FGD5: variants seen among roughly 807,000 people sequenced by gnomAD.
The protein encoded by FGD5 is FYVE, RhoGEF and PH domain containing 5, also known as FYVE, RhoGEF and PH domain-containing protein 5.
FGD5 carries 28 observed loss-of-function variants against 133.4 expected under a neutral mutation model. The observed-to-expected ratio is 0.21, with a 90% CI of 0.16 to 0.29. The LOEUF (loss-of-function observed/expected upper bound fraction) is 0.29. FGD5 is among the 10% of genes least tolerant of loss of function. The probability of loss-of-function intolerance (pLI) is 1.00; values close to 1 mark genes in which losing one functional copy is unlikely to be tolerated. For missense variants in FGD5, 1,858 were observed against 1,895.2 expected (o/e 0.98, Z 0.36); for synonymous variants, 810 against 776.5 (o/e 1.04, Z -0.72).
rs1004400262 is a variant in FGD5, at chr3:14,819,267, A to C, written c.196A>C (p.Ile66Leu). The C allele has an allele frequency of 2.0e-6, 3 of 1,534,862 alleles. No homozygotes were observed. Among genetic ancestry groups the C allele is most frequent in the African/African-American group, 2.7e-5 (2 of 72,734 alleles). ...TGAGTCGGAGACCGACGAGGATTACATCGTGGTCCCCAGGGTTCCGCTGAG... is the reference window on the plus strand; with the variant it reads ...TGAGTCGGAGACCGACGAGGATTACCTCGTGGTCCCCAGGGTTCCGCTGAG... The part of the protein sequence containing the change: ...CSESETDEDY[I>L]VVPRVPLRED... Residue 66 changes from isoleucine (I) to leucine (L), a missense_variant, in exon 1 of 20, where the codon ATC becomes CTC. Coordinates refer to ENST00000285046, the MANE Select transcript of FGD5 (RefSeq NM_152536.4). This position sits in a 1 kb window ranked among gnomAD's most constrained non-coding sequence, Gnocchi z 4.1.
At chr3:14,893,720 G>A (rs1049034299) in intron 4 of FGD5, among the ~76,000 whole-genome samples, 3 of 148,298 alleles carry the variant, frequency 2.0e-5, no homozygotes, top group Non-Finnish European at 3.0e-5. Context: ...TCTAATATTC[G>A]GTCTTATTTC....
At chr3:14,855,486 A>T (rs894261247) in intron 1 of FGD5, among the ~76,000 whole-genome samples, 3 of 152,162 alleles carry the variant, frequency 2.0e-5, no homozygotes, top group Non-Finnish European at 4.4e-5. Context: ...AGTGTAGAAG[A>T]GTTCCCTTTT....
chr3:14,851,966 G>A (rs1429901843), intron 1 of FGD5, among the ~76,000 whole-genome samples: 2 of 151,562 alleles, frequency 1.3e-5, no homozygotes, highest in Non-Finnish European at 2.9e-5. Context: ...TGACAAGACT[G>A]TAGAGAAATT....
At chr3:14,881,612 C>G (rs376160039) in intron 4 of FGD5, among the ~76,000 whole-genome samples, 2 of 152,360 alleles carry the variant, frequency 1.3e-5, no homozygotes, top group Admixed American at 1.3e-4. Context: ...GCTTCCTGCT[C>G]CCTTGAGCTC....
chr3:14,848,249 T>C (rs1687295), intron 1 of FGD5, among the ~76,000 whole-genome samples: 115,647 of 152,022 alleles, frequency 0.76, 44,219 homozygotes, highest in East Asian at 0.97. Context: ...TCCCACTTCC[T>C]GGGCAGCCCT....
Position 14,844,217 on chromosome 3 carries a change from AATATAT to A in FGD5, c.2526-19861_2526-19856del, listed in dbSNP as rs869290486. Among the ~76,000 whole-genome samples, 110 of 20,236 alleles carry A rather than the reference AATATAT, an allele frequency of 5.4e-3. 1 individual carries two copies. The highest frequency in any genetic ancestry group is 0.045 in the Middle Eastern group (1 of 22). The allele number at this position is 20,236 out of a possible 152,430, so 13.3% of individuals were successfully genotyped here. A position where few individuals can be genotyped will look rare whatever the true frequency, so the allele number is the denominator to read the frequency against. ...CTTAATAGGCATTAAAAAAAAAAAA[AATATAT>A]ATATATATATATATATATATATATA... On this transcript the variant is annotated intron_variant, in intron 1 of 19. Coordinates refer to ENST00000285046, the MANE Select transcript of FGD5 (RefSeq NM_152536.4).
chr3:14,924,118 G>C lies in FGD5; in HGVS notation c.4048G>C (p.Val1350Leu), dbSNP rs768681723. 3.7e-6 allele frequency: 6 copies of C among 1,613,966 alleles called. No homozygotes were observed. In the South Asian group the frequency reaches 6.6e-5, roughly 18 times the overall value. The change falls in exon 17 of 20, where the codon GTC (valine) becomes CTC (leucine). Residue 1350 changes from valine (V) to leucine (L), a missense_variant. Val to Leu is a conservative substitution (Grantham distance 32). This residue lies in a region of FGD5 where 1,824 missense variants were observed against 1,848.9 expected (regional missense o/e 0.99). Transcript: ENST00000285046. Reference sequence around the variant, plus strand: ...CTCGACCTTCAAGAAGCAGAAGAAAGTCCCTTCAGCCCTGACAGAGGTAAA... The same window carrying C: ...CTCGACCTTCAAGAAGCAGAAGAAACTCCCTTCAGCCCTGACAGAGGTAAA... ...NPSTFKKQKK[V>L]PSALTEVAAS...
At chr3:14,873,394 G>C (rs938346627) in intron 2 of FGD5, among the ~76,000 whole-genome samples, 1 of 152,232 alleles carries the variant, frequency 6.6e-6, no homozygotes, top group Non-Finnish European at 1.5e-5. Flanking sequence ...TGAGGCCTAA[G>C]TGCTCCTTGG....
chr3:14,912,421 G>A (rs1473674096), intron 11 of FGD5, among the ~76,000 whole-genome samples: 8 of 150,456 alleles, frequency 5.3e-5, no homozygotes, highest in African/African-American at 1.9e-4. Flanking sequence ...CAAGAGGAGA[G>A]TGGACCCCAG....
chr3:14,905,525 A>G (rs1032704657), intron 9 of FGD5, among the ~76,000 whole-genome samples: 1 of 152,202 alleles, frequency 6.6e-6, no homozygotes, highest in Non-Finnish European at 1.5e-5. Context: ...CTTCAAGCTC[A>G]TGGAGTCTTT....
At chr3:14,889,224 G>A (rs773546225) in intron 4 of FGD5, among the ~76,000 whole-genome samples, 5 of 152,088 alleles carry the variant, frequency 3.3e-5, no homozygotes, top group Non-Finnish European at 5.9e-5. Flanking sequence ...TGTAACTCTC[G>A]CCCGGATAGA....
At chr3:14,880,544 C>T (rs1342765368) in intron 2 of FGD5, 28 bp from the exon 3 acceptor site, 2 of 1,611,588 alleles carry the variant, frequency 1.2e-6, no homozygotes, top group South Asian at 1.1e-5. Context: ...ATGCCTGTCC[C>T]ACCTGATTGC....
At chr3:14,824,978 A>C in intron 1 of FGD5, among the ~76,000 whole-genome samples, 1 of 152,192 alleles carries the variant, frequency 6.6e-6, no homozygotes, top group Admixed American at 6.5e-5. Context: ...CTACCTGGCA[A>C]AACCAGAAGA....
chr3:14,862,717 G>A (rs1235977103), intron 1 of FGD5, among the ~76,000 whole-genome samples: 3 of 152,310 alleles, frequency 2.0e-5, no homozygotes, highest in Non-Finnish European at 4.4e-5. Flanking sequence ...AGGTTGAGTC[G>A]TGGCTCAACC....
At chr3:14,864,365 A>G (rs2037455858) in intron 2 of FGD5, 105 bp downstream of exon 2, 1 of 1,553,584 alleles carries the variant, frequency 6.4e-7, no homozygotes, top group Non-Finnish European at 8.8e-7. Flanking sequence ...CTGTTTGCAG[A>G]TAGCTGGCCC....
At chr3:14,846,274 G>C (rs2125089992) in intron 1 of FGD5, among the ~76,000 whole-genome samples, 1 of 152,210 alleles carries the variant, frequency 6.6e-6, no homozygotes, top group South Asian at 2.1e-4. Context: ...AGTGAGGATG[G>C]GGCTGAGGGA....
At chr3:14,930,979 T>G (rs1221157548) in intron 18 of FGD5, 1 of 152,142 alleles carries the variant, frequency 6.6e-6, no homozygotes, top group Non-Finnish European at 1.5e-5. Context: ...TTTGTTTTTT[T>G]TCTTTTGCAA....
chr3:14,904,520 T>TGTG (rs2038302831), intron 9 of FGD5, among the ~76,000 whole-genome samples: 1 of 54,520 alleles, frequency 1.8e-5, no homozygotes, highest in Admixed American at 2.0e-4. Flanking sequence ...GTGTGTGTGT[T>TGTG]TGTGTTTTGA....
intron 1 of FGD5, among the ~76,000 whole-genome samples, chr3:14,839,181 A>G (rs2036870245): frequency 6.6e-6 from 1 of 152,204 alleles, no homozygotes; most frequent in South Asian, 2.1e-4. Flanking sequence ...TTCTGGGGAC[A>G]TTTGACCCGT....
Sources: gnomAD v4.1 joint callset for allele counts (sites outside exome capture counted in the v4.1 genomes callset) on GRCh38, gnomAD v4.1.1 for gene constraint, gnomAD v4.1.1 regional missense constraint, Gnocchi (gnomAD v3.1) non-coding constraint, MANE v1.5 for transcripts, NCBI Gene and HGNC (gene_info 2026-07-23, HGNC 2026-07-21) for gene names.